The following ABTB2 variants were observed in gnomAD, a reference collection of about 807,000 sequenced individuals.
ABTB2 encodes ankyrin repeat and BTB domain containing 2, also known as ankyrin repeat and BTB/POZ domain-containing protein 2.
A neutral mutation model predicts 104.1 loss-of-function variants in ABTB2; 56 were observed. The observed-to-expected ratio is 0.54, with a 90% CI of 0.43 to 0.67. The LOEUF is 0.67. Ranked by LOEUF, ABTB2 falls within the 30% of genes least tolerant of loss-of-function variation. ABTB2 has a pLI of 0.00. For synonymous variants in ABTB2, 606 were observed against 608.2 expected (o/e 1.00, Z 0.05); for missense variants, 1,279 against 1,407.7 (o/e 0.91, Z 1.46).
chr11:34,206,360 C>T (rs559653551), intron 1 of ABTB2, among the ~76,000 whole-genome samples: 1 of 152,232 alleles, frequency 6.6e-6, no homozygotes, highest in Non-Finnish European at 1.5e-5. Flanking sequence ...TCCAGCCTGG[C>T]AACAGAGACT....
At chr11:34,189,182 T>C (rs1339049888) in intron 3 of ABTB2, 2 of 152,282 alleles carry the variant, frequency 1.3e-5, no homozygotes, top group African/African-American at 4.8e-5. Flanking sequence ...ACTGCTGGTC[T>C]GAGTGCAGTG....
chr11:34,155,384 C>T (rs1344491550), intron 14 of ABTB2, among the ~76,000 whole-genome samples: 1 of 152,228 alleles, frequency 6.6e-6, no homozygotes, highest in African/African-American at 2.4e-5. Flanking sequence ...GAGCTCCCCT[C>T]GACAGGCTGA....
intron 1 of ABTB2, among the ~76,000 whole-genome samples, chr11:34,218,172 A>C (rs979276262): frequency 8.5e-5 from 13 of 152,162 alleles, no homozygotes; most frequent in African/African-American, 3.1e-4. Flanking sequence ...AGTTCTTTGC[A>C]TATTATTTTA....
intron 1 of ABTB2, among the ~76,000 whole-genome samples, chr11:34,213,724 CAA>C (rs1378335445): frequency 1.3e-5 from 2 of 152,032 alleles, no homozygotes; most frequent in Non-Finnish European, 2.9e-5. Flanking sequence ...CTCCTCTTTG[CAA>C]AAGAGTATAA....
At chr11:34,325,440 C>T (rs1413394432) in intron 1 of ABTB2, among the ~76,000 whole-genome samples, 1 of 152,224 alleles carries the variant, frequency 6.6e-6, no homozygotes, top group Non-Finnish European at 1.5e-5. Flanking sequence ...GCAAGTTAAG[C>T]TCTCCGTTCC....
At chr11:34,274,607 T>A (rs942867490) in intron 1 of ABTB2, among the ~76,000 whole-genome samples, 1 of 152,030 alleles carries the variant, frequency 6.6e-6, no homozygotes, top group African/African-American at 2.4e-5. Flanking sequence ...ATATATTTTT[T>A]TCTTTTTTTT....
At chr11:34,217,227 T>C (rs7114888) in intron 1 of ABTB2, among the ~76,000 whole-genome samples, 8,559 of 152,224 alleles carry the variant, frequency 0.056, 806 homozygotes, top group African/African-American at 0.19. Flanking sequence ...CTTGAATTAT[T>C]TCCTAGGCGA....
chr11:34,355,694 G>A (rs964681748), intron 1 of ABTB2, among the ~76,000 whole-genome samples: 1 of 152,044 alleles, frequency 6.6e-6, no homozygotes, highest in African/African-American at 2.4e-5. Context: ...CAATCAGATC[G>A]TAAGGCTGTT....
intron 1 of ABTB2, among the ~76,000 whole-genome samples, chr11:34,327,219 C>T (rs1855079727): frequency 6.6e-6 from 1 of 152,214 alleles, no homozygotes; most frequent in Admixed American, 6.5e-5. Flanking sequence ...TATGGAAAAA[C>T]ATTACGCAAA....
intron 3 of ABTB2, among the ~76,000 whole-genome samples, chr11:34,196,710 G>T (rs1853260950): frequency 6.6e-6 from 1 of 152,202 alleles, no homozygotes; most frequent in Non-Finnish European, 1.5e-5. Flanking sequence ...ACCCTCTAGT[G>T]AAAGTACCTG....
chr11:34,329,961 A>G (rs1190173886), intron 1 of ABTB2, among the ~76,000 whole-genome samples: 1 of 152,192 alleles, frequency 6.6e-6, no homozygotes, highest in Admixed American at 6.6e-5. Context: ...GGATTCCCAG[A>G]ACTCCGTCCC....
In ABTB2 at chr11:34,162,273, G is replaced by GAGGGGGCAGCGA. The variant is rs1852731398; in HGVS notation, c.2218+302_2218+303insTCGCTGCCCCCT. 1.3e-5 allele frequency among the ~76,000 whole-genome samples: 2 copies of GAGGGGGCAGCGA among 152,228 alleles called. 1 individual carries two copies. The highest frequency in any genetic ancestry group is 4.1e-4 in the South Asian group (2 of 4,836). ...GGCTCCCAGTGCTCGACATCCCTGG[G>GAGGGGGCAGCGA]CTGTGACTGGGGAGGGGGCAGCGAA... On this transcript the variant is annotated intron_variant, in intron 10 of 16. Transcript: ENST00000435224.
chr11:34,280,665 A>G (rs1253969608), intron 1 of ABTB2, among the ~76,000 whole-genome samples: 3 of 152,072 alleles, frequency 2.0e-5, no homozygotes, highest in Non-Finnish European at 4.4e-5. Flanking sequence ...AACACCCACC[A>G]TCTGGCCAGA....
At chr11:34,280,963 C>T (rs907100286) in intron 1 of ABTB2, among the ~76,000 whole-genome samples, 1 of 152,156 alleles carries the variant, frequency 6.6e-6, no homozygotes, top group African/African-American at 2.4e-5. Flanking sequence ...TTAATTGTGG[C>T]ACAGATAGAG....
intron 2 of ABTB2, 128 bp from the exon 3 acceptor site, chr11:34,197,666 T>C (rs1853279375): frequency 1.5e-6 from 1 of 677,954 alleles, no homozygotes; most frequent in Admixed American, 3.1e-5. Flanking sequence ...TAATTACTGT[T>C]TGCCCTGCAG....
At chr11:34,340,006 G>A (rs761923655) in intron 1 of ABTB2, among the ~76,000 whole-genome samples, 18 of 151,724 alleles carry the variant, frequency 1.2e-4, no homozygotes, top group Non-Finnish European at 1.9e-4. Flanking sequence ...CATGCTTTAT[G>A]ATAACTGCAC....
At chr11:34,301,794 G>C (rs569748663) in intron 1 of ABTB2, among the ~76,000 whole-genome samples, 2 of 152,256 alleles carry the variant, frequency 1.3e-5, no homozygotes, top group African/African-American at 4.8e-5. Context: ...GACCAGCCTG[G>C]GCAATTATTG....
chr11:34,259,667 C>T (rs558580048), intron 1 of ABTB2, among the ~76,000 whole-genome samples: 42 of 152,232 alleles, frequency 2.8e-4, no homozygotes, highest in African/African-American at 8.9e-4. Flanking sequence ...GAAAGGTGAC[C>T]GGTTACATTA....
chr11:34,249,502 T>C (rs1344261724), intron 1 of ABTB2, among the ~76,000 whole-genome samples: 2 of 152,078 alleles, frequency 1.3e-5, no homozygotes, highest in African/African-American at 2.4e-5. Context: ...TCTAGTACAA[T>C]AGGGCCTAGA....
Sources: gnomAD v4.1 joint callset for allele counts (sites outside exome capture counted in the v4.1 genomes callset) on GRCh38, gnomAD v4.1.1 for gene constraint, MANE v1.5 for transcripts, NCBI Gene and HGNC (gene_info 2026-07-23, HGNC 2026-07-21) for gene names.